The following CTNND2 variants were observed in gnomAD, a reference collection of about 807,000 sequenced individuals.
CTNND2 encodes the protein catenin delta-2.
CTNND2 carries 22 observed loss-of-function variants against 144.4 expected under a neutral mutation model. The ratio of observed to expected loss-of-function variants is 0.15; its 90% confidence interval spans 0.11 to 0.22. The LOEUF (loss-of-function observed/expected upper bound fraction) is 0.22, where lower values mean the gene tolerates loss of function less well. Among genes scored for constraint, CTNND2 ranks in the 10% least tolerant of loss-of-function variants. The pLI, the probability that CTNND2 is intolerant of heterozygous loss-of-function variation, is 1.00. For missense variants in CTNND2, 1,353 were observed against 1,618.8 expected (o/e 0.84, Z 2.82); for synonymous variants, 751 against 695.6 (o/e 1.08, Z -1.25).
At chr5:11,500,070 C>T (rs1770390756) in intron 3 of CTNND2, among the ~76,000 whole-genome samples, 3 of 152,134 alleles carry the variant, frequency 2.0e-5, no homozygotes, top group South Asian at 4.2e-4. Flanking sequence ...CAATGAAGGG[C>T]ATGTTTTTAT....
chr5:11,894,996 T>C (rs183191682), intron 1 of CTNND2, among the ~76,000 whole-genome samples: 433 of 152,288 alleles, frequency 2.8e-3, no homozygotes, highest in Middle Eastern at 6.8e-3. Context: ...GGGAGAAGCA[T>C]GGTCCTATGT....
intron 9 of CTNND2, among the ~76,000 whole-genome samples, chr5:11,316,199 G>A (rs1230628839): frequency 2.0e-5 from 3 of 151,948 alleles, no homozygotes; most frequent in East Asian, 1.9e-4. Flanking sequence ...ATTACTAGCC[G>A]CCAGGTATAT....
intron 9 of CTNND2, among the ~76,000 whole-genome samples, chr5:11,308,393 A>G (rs1472389493): frequency 6.6e-6 from 1 of 152,232 alleles, no homozygotes; most frequent in African/African-American, 2.4e-5. Context: ...CTGCTGTTAC[A>G]GTGCTGCAAA....
chr5:11,153,764 T>C (rs977798692), intron 12 of CTNND2, among the ~76,000 whole-genome samples: 32 of 152,298 alleles, frequency 2.1e-4, no homozygotes, highest in African/African-American at 7.7e-4. Context: ...TAGGACAAGA[T>C]ACTGAAGTGG....
chr5:11,857,259 T>C (rs1795294417), intron 1 of CTNND2, among the ~76,000 whole-genome samples: 1 of 152,026 alleles, frequency 6.6e-6, no homozygotes, highest in Admixed American at 6.6e-5. Context: ...GAGTCCGGGA[T>C]GATGAGGATG....
intron 8 of CTNND2, among the ~76,000 whole-genome samples, chr5:11,356,607 T>C (rs961007749): frequency 1.3e-5 from 2 of 151,964 alleles, no homozygotes; most frequent in African/African-American, 4.8e-5. Flanking sequence ...GAAGAAAACA[T>C]AGGTAAAATG....
chr5:11,686,094 T>C (rs1784633533), intron 2 of CTNND2, among the ~76,000 whole-genome samples: 1 of 151,746 alleles, frequency 6.6e-6, no homozygotes, highest in South Asian at 2.1e-4. Context: ...TAGTCCCAGA[T>C]ACTCAGGAGG....
chr5:11,578,102 G>A (rs1035533275), intron 2 of CTNND2, among the ~76,000 whole-genome samples: 15 of 151,944 alleles, frequency 9.9e-5, no homozygotes, highest in African/African-American at 2.4e-4. Flanking sequence ...CACCCATTCC[G>A]TGTGTTATTT....
At chr5:11,726,966 A>C (rs1787058338) in intron 2 of CTNND2, among the ~76,000 whole-genome samples, 1 of 152,228 alleles carries the variant, frequency 6.6e-6, no homozygotes, top group Non-Finnish European at 1.5e-5. Flanking sequence ...AGTAACTAAC[A>C]GAATACACAT....
rs61753329 is a variant in CTNND2, at chr5:11,115,548, A to G, written c.2277+1902T>C. ...ATTACGCTAACAAGCACTTGTAAAT[A>G]TTCAAGACATCTTGACTGGTCACTT... On this transcript the variant is annotated intron_variant, in intron 13 of 21. Coordinates refer to ENST00000304623, the MANE Select transcript of CTNND2 (RefSeq NM_001332.4). 4.1e-4 allele frequency among the ~76,000 whole-genome samples: 63 copies of G among 152,336 alleles called. No individual in the cohort carries two copies. The East Asian group carries it at 0.011, about 28-fold the overall frequency.
chr5:11,859,888 T>A (rs1313496901), intron 1 of CTNND2, among the ~76,000 whole-genome samples: 2 of 152,180 alleles, frequency 1.3e-5, no homozygotes, highest in Non-Finnish European at 2.9e-5. Context: ...ACACCTATAC[T>A]TACCACAGTA....
chr5:11,139,770 C>A (rs72730906), intron 12 of CTNND2, among the ~76,000 whole-genome samples: 5,126 of 152,280 alleles, frequency 0.034, 127 homozygotes, highest in Non-Finnish European at 0.048. Flanking sequence ...GCATAAACTG[C>A]CGATTTATTC....
chr5:11,299,839 G>A (rs1005344444), intron 9 of CTNND2, among the ~76,000 whole-genome samples: 6 of 152,126 alleles, frequency 3.9e-5, no homozygotes, highest in Non-Finnish European at 7.3e-5. Context: ...CAGACTGCTC[G>A]GATCCTTAAA....
chr5:11,719,920 T>C (rs1786570639), intron 2 of CTNND2, among the ~76,000 whole-genome samples: 3 of 151,900 alleles, frequency 2.0e-5, no homozygotes, highest in African/African-American at 4.8e-5. Flanking sequence ...GTATCCTATG[T>C]TTCATATGGT....
In CTNND2 at chr5:11,082,413, A is replaced by T. The variant is rs1015624; in HGVS notation, c.2788+283T>A. ...GGGAAACAAACAAACAGCCTGTCAG[A>T]GATTCAGAGGATTGAGACAACGGTA... On this transcript the variant is annotated intron_variant, in intron 16 of 21. Coordinates refer to ENST00000304623, the MANE Select transcript of CTNND2 (RefSeq NM_001332.4). Among the ~76,000 whole-genome samples, 10,904 of 152,264 alleles carry T rather than the reference A, an allele frequency of 0.072. 789 individuals are homozygous for T. Among genetic ancestry groups the T allele is most frequent in the East Asian group, 0.36 (1,840 of 5,178 alleles).
chr5:11,246,126 G>C (rs962063866), intron 9 of CTNND2, among the ~76,000 whole-genome samples: 1 of 152,184 alleles, frequency 6.6e-6, no homozygotes, highest in African/African-American at 2.4e-5. Context: ...ATACAGTGTT[G>C]AATGGAGCAA....
chr5:11,003,894 A>G (rs1740208643), intron 18 of CTNND2, among the ~76,000 whole-genome samples: 1 of 152,222 alleles, frequency 6.6e-6, no homozygotes, highest in African/African-American at 2.4e-5. Context: ...ATTGATTTGG[A>G]TACTTAAAGG....
chr5:11,143,666 G>C (rs1756959033), intron 12 of CTNND2, among the ~76,000 whole-genome samples: 1 of 152,208 alleles, frequency 6.6e-6, no homozygotes, highest in South Asian at 2.1e-4. Flanking sequence ...TTCTTCAGTA[G>C]TTGGGGTTAG....
chr5:11,466,883 G>A (rs767527203), intron 3 of CTNND2, among the ~76,000 whole-genome samples: 1 of 152,200 alleles, frequency 6.6e-6, no homozygotes, highest in Non-Finnish European at 1.5e-5. Context: ...CCACACATGC[G>A]TGTACTGCAG....
Sources: allele counts gnomAD v4.1 joint callset (sites outside exome capture counted in the v4.1 genomes callset), GRCh38; gene constraint gnomAD v4.1.1; transcripts MANE v1.5; gene names NCBI Gene and HGNC (gene_info 2026-07-23, HGNC 2026-07-21).